The following CACNA2D3 variants were observed in gnomAD, a reference collection of about 807,000 sequenced individuals.
CACNA2D3 encodes calcium voltage-gated channel auxiliary subunit alpha2delta 3, also known as voltage-dependent calcium channel subunit alpha-2/delta-3.
In CACNA2D3, 60 loss-of-function variants were observed where a neutral mutation model predicts 160.6. The ratio of observed to expected loss-of-function variants is 0.37; its 90% CI spans 0.30 to 0.46. CACNA2D3 has a LOEUF of 0.46. CACNA2D3 is among the 20% of genes least tolerant of loss of function. The pLI, the probability that CACNA2D3 is intolerant of heterozygous loss-of-function variation, is 1.00. For missense variants in CACNA2D3, 1,205 were observed against 1,365.0 expected, an observed-to-expected ratio of 0.88 and a Z score of 1.85; for synonymous variants, 558 against 492.9, an observed-to-expected ratio of 1.13 and a Z score of -1.75.
chr3:54,534,054 T>C (rs1051705735), intron 5 of CACNA2D3, among the ~76,000 whole-genome samples: 8 of 152,140 alleles, frequency 5.3e-5, no homozygotes, highest in Admixed American at 2.6e-4. Flanking sequence ...GTCAGCTCCC[T>C]CTGCAGGACA....
At chr3:54,790,477 G>A (rs548634121) in intron 13 of CACNA2D3, among the ~76,000 whole-genome samples, 2 of 152,104 alleles carry the variant, frequency 1.3e-5, no homozygotes, top group African/African-American at 4.8e-5. Context: ...TGGGGGTAAG[G>A]GTATATGTGA....
intron 3 of CACNA2D3, among the ~76,000 whole-genome samples, chr3:54,342,495 G>A (rs1559455196): frequency 6.6e-6 from 1 of 152,084 alleles, no homozygotes; most frequent in Non-Finnish European, 1.5e-5. Context: ...GGAAGGATAC[G>A]GTGGGGTGGA....
chr3:54,352,002 A>C (rs1698573144), intron 3 of CACNA2D3, among the ~76,000 whole-genome samples: 1 of 152,166 alleles, frequency 6.6e-6, no homozygotes, highest in Admixed American at 6.5e-5. Context: ...CCTGGTCTTC[A>C]TGGCTATTGG....
At chr3:54,305,100 G>A (rs1246713205) in intron 2 of CACNA2D3, among the ~76,000 whole-genome samples, 2 of 152,140 alleles carry the variant, frequency 1.3e-5, no homozygotes, top group Non-Finnish European at 2.9e-5. Context: ...TTGATGGGTT[G>A]TTTAATTCAT....
At chr3:54,385,720 CGTTTAGA>C (rs1480778405) in intron 3 of CACNA2D3, among the ~76,000 whole-genome samples, 6 of 151,982 alleles carry the variant, frequency 3.9e-5, no homozygotes, top group Non-Finnish European at 7.4e-5. Flanking sequence ...AATTTGTGAC[CGTTTAGA>C]GATTAATATT....
At chr3:54,856,754 T>C (rs1416896980) in intron 17 of CACNA2D3, among the ~76,000 whole-genome samples, 1 of 152,192 alleles carries the variant, frequency 6.6e-6, no homozygotes, top group Non-Finnish European at 1.5e-5. Flanking sequence ...AGGGAGACCC[T>C]TTCTTAAGGA....
In CACNA2D3 at chr3:54,498,445, A is replaced by G. The variant is rs1446170695; in HGVS notation, c.382-5047A>G. On this transcript the variant is annotated intron_variant, in intron 4 of 37. Coordinates refer to ENST00000474759, the MANE Select transcript of CACNA2D3 (RefSeq NM_018398.3). Reference sequence around the variant, plus strand: ...AGTAATGTTTCCTCTTTCATCCCAGATACTGGTATTTTCTGCTTTCTTACT... The same window carrying G: ...AGTAATGTTTCCTCTTTCATCCCAGGTACTGGTATTTTCTGCTTTCTTACT... Among the ~76,000 whole-genome samples the G allele has an allele frequency of 2.6e-5, 4 of 151,970 alleles. No homozygotes were observed. In the South Asian group the frequency reaches 8.3e-4, roughly 32 times the overall value.
chr3:54,177,271 G>A (rs1425274026), intron 2 of CACNA2D3, among the ~76,000 whole-genome samples: 3 of 152,162 alleles, frequency 2.0e-5, no homozygotes, highest in Non-Finnish European at 4.4e-5. Flanking sequence ...GCTGTGCCTT[G>A]TTACAATTTC....
At chr3:54,391,456 G>C (rs768301635) in intron 4 of CACNA2D3, among the ~76,000 whole-genome samples, 139 of 151,938 alleles carry the variant, frequency 9.1e-4, no homozygotes, top group Middle Eastern at 3.4e-3. Context: ...ATCCTCCATA[G>C]AAAACAGATG....
intron 16 of CACNA2D3, among the ~76,000 whole-genome samples, chr3:54,839,653 G>T (rs985820414): frequency 1.3e-5 from 2 of 152,152 alleles, no homozygotes; most frequent in Non-Finnish European, 2.9e-5. Context: ...ATTATTGGCT[G>T]CCAGGGGCTT....
At chr3:54,984,801 A>G in intron 30 of CACNA2D3, 131 bp downstream of exon 30, 1 of 640,944 alleles carries the variant, frequency 1.6e-6, no homozygotes, top group East Asian at 2.9e-5. Context: ...AGATTATAAA[A>G]CCTTATTTCC....
At chr3:54,757,309 C>T (rs12185982) in intron 12 of CACNA2D3, among the ~76,000 whole-genome samples, 23,827 of 152,128 alleles carry the variant, frequency 0.16, 2,107 homozygotes, top group Non-Finnish European at 0.19. Flanking sequence ...GCTTAGCTTA[C>T]CCCTTTTCCA....
At chr3:54,412,140 G>A (rs1230929351) in intron 4 of CACNA2D3, among the ~76,000 whole-genome samples, 1 of 152,092 alleles carries the variant, frequency 6.6e-6, no homozygotes, top group Non-Finnish European at 1.5e-5. Context: ...TGATCATAAT[G>A]TCTGATATTC....
rs368004082 is a variant in CACNA2D3, at chr3:54,657,179, T to C, written c.1167+14938T>C. 3.7e-4 allele frequency among the ~76,000 whole-genome samples: 57 copies of C among 152,262 alleles called. 2 individuals are homozygous for C. In the South Asian group the frequency reaches 0.011, roughly 30 times the overall value. On this transcript the variant is annotated intron_variant, in intron 11 of 37. Transcript: ENST00000474759. ...ACAATGTCTTCAGTTAAGGCAGGAA[T>C]AGGCCATTTTCACTTTTGTGGTGGA...
chr3:54,360,439 C>G (rs1299594198), intron 3 of CACNA2D3, among the ~76,000 whole-genome samples: 2 of 152,212 alleles, frequency 1.3e-5, no homozygotes, highest in Admixed American at 6.5e-5. Context: ...GCCTTTTCAG[C>G]TCTGAACATT....
intron 2 of CACNA2D3, among the ~76,000 whole-genome samples, chr3:54,318,939 T>C (rs1703928513): frequency 6.6e-6 from 1 of 152,106 alleles, no homozygotes; most frequent in African/African-American, 2.4e-5. Flanking sequence ...ATCTTGCTGC[T>C]CCTAGAACAC....
intron 11 of CACNA2D3, among the ~76,000 whole-genome samples, chr3:54,709,936 T>A (rs1462461004): frequency 6.6e-6 from 1 of 152,078 alleles, no homozygotes; most frequent in East Asian, 1.9e-4. Context: ...AAAATAAAAA[T>A]AAAATCAGTC....
chr3:54,831,980 C>A (rs1703887734), intron 14 of CACNA2D3, among the ~76,000 whole-genome samples: 1 of 140,850 alleles, frequency 7.1e-6, no homozygotes. Context: ...TCTTTTTTTT[C>A]CTCCCTCCCT....
chr3:54,230,599 G>C (rs897032574), intron 2 of CACNA2D3, among the ~76,000 whole-genome samples: 1 of 152,202 alleles, frequency 6.6e-6, no homozygotes, highest in Non-Finnish European at 1.5e-5. Context: ...GACTCTGTGG[G>C]AGACAGGTTG....
Sources: gnomAD v4.1 joint callset for allele counts (sites outside exome capture counted in the v4.1 genomes callset) on GRCh38, gnomAD v4.1.1 for gene constraint, MANE v1.5 for transcripts, NCBI Gene and HGNC (gene_info 2026-07-23, HGNC 2026-07-21) for gene names.